The following LRBA variants were observed in gnomAD, a reference collection of about 807,000 sequenced individuals.
LRBA encodes lipopolysaccharide-responsive and beige-like anchor protein.
In LRBA, 176 loss-of-function variants were observed where a neutral mutation model predicts 330.0. That is an observed-to-expected ratio of 0.53 (90% CI 0.47 to 0.60). The LOEUF (loss-of-function observed/expected upper bound fraction) is 0.60, where lower values mean the gene tolerates loss of function less well. LRBA is among the 20% of genes least tolerant of loss of function. LRBA has a pLI of 0.00. For synonymous variants in LRBA, 1,230 were observed against 1,193.0 expected, an observed-to-expected ratio of 1.03 and a Z score of -0.64; for missense variants, 3,259 against 3,444.8, an observed-to-expected ratio of 0.95 and a Z score of 1.35.
chr4:150,982,767 G>A (rs1488330075), intron 2 of LRBA, among the ~76,000 whole-genome samples: 3 of 152,138 alleles, frequency 2.0e-5, no homozygotes, highest in Non-Finnish European at 4.4e-5. Context: ...CAGAATGTAG[G>A]GCAATGCTTA....
intron 37 of LRBA, among the ~76,000 whole-genome samples, chr4:150,678,776 C>T (rs1486081969): frequency 1.3e-5 from 2 of 152,082 alleles, no homozygotes; most frequent in Non-Finnish European, 2.9e-5. Flanking sequence ...GGTGCCTGCA[C>T]TGATGTCAAG....
chr4:150,828,920 GGGGT>G (rs1360386829), intron 29 of LRBA, among the ~76,000 whole-genome samples: 5,770 of 53,066 alleles, frequency 0.11, 161 homozygotes, highest in Admixed American at 0.13. Flanking sequence ...ATCTTTTTTG[GGGGT>G]GTGTGTGTGT....
At chr4:150,734,274 G>A (rs114853959) in intron 36 of LRBA, among the ~76,000 whole-genome samples, 34 of 151,868 alleles carry the variant, frequency 2.2e-4, no homozygotes, top group African/African-American at 8.0e-4. Flanking sequence ...ATATCCTAAA[G>A]TAAACAATTT....
chr4:150,498,125 G>A (rs973022811), intron 40 of LRBA, among the ~76,000 whole-genome samples: 2 of 152,170 alleles, frequency 1.3e-5, no homozygotes, highest in Non-Finnish European at 2.9e-5. Flanking sequence ...GCAAATTGAT[G>A]TTGCTTTAGA....
At chr4:150,607,595 G>A (rs1270436975) in intron 37 of LRBA, among the ~76,000 whole-genome samples, 1 of 151,720 alleles carries the variant, frequency 6.6e-6, no homozygotes, top group Admixed American at 6.6e-5. Flanking sequence ...AGAGGCCTGT[G>A]CTAGAGATTT....
At chr4:150,315,123 A>G (rs1178809781) in intron 51 of LRBA, 1 of 203,248 alleles carries the variant, frequency 4.9e-6, no homozygotes, top group Non-Finnish European at 1.0e-5. Flanking sequence ...CTACAGTTTT[A>G]TTTTTCATAA....
At chr4:150,938,303 G>C (rs960645540) in intron 2 of LRBA, among the ~76,000 whole-genome samples, 2 of 152,064 alleles carry the variant, frequency 1.3e-5, no homozygotes, top group Non-Finnish European at 2.9e-5. Context: ...TCAACCTCAA[G>C]ATATCCAATT....
chr4:150,438,988 T>C (rs114457731), intron 44 of LRBA, among the ~76,000 whole-genome samples: 214 of 152,334 alleles, frequency 1.4e-3, no homozygotes, highest in African/African-American at 5.0e-3. Flanking sequence ...AAAAGAATCA[T>C]ATCTGACTTA....
At chr4:150,574,398 T>C (rs2152288218) in intron 40 of LRBA, among the ~76,000 whole-genome samples, 1 of 152,162 alleles carries the variant, frequency 6.6e-6, no homozygotes, top group South Asian at 2.1e-4. Context: ...TCAACAAATT[T>C]AGTCATGTAA....
chr4:151,000,419 G>T (rs1257632184), intron 2 of LRBA, among the ~76,000 whole-genome samples: 2 of 152,076 alleles, frequency 1.3e-5, no homozygotes, highest in African/African-American at 4.8e-5. Flanking sequence ...CTTAAAAAAA[G>T]TGCTTTACAA....
At chr4:150,643,891 T>C (rs1778902574) in intron 37 of LRBA, among the ~76,000 whole-genome samples, 1 of 151,958 alleles carries the variant, frequency 6.6e-6, no homozygotes, top group South Asian at 2.1e-4. Flanking sequence ...TACTCATTTG[T>C]CTAGGTACTA....
Position 150,850,814 on chromosome 4 carries a change from C to T in LRBA, c.3914G>A (p.Arg1305His), listed in dbSNP as rs144754728. 173 of 1,613,616 alleles carry T rather than the reference C, an allele frequency of 1.1e-4. No homozygotes were observed. The highest frequency in any genetic ancestry group is 6.6e-4 in the Middle Eastern group (4 of 6,062). The part of the protein sequence containing the change: ...QRRDSRSTVF[R>H]IPEFNWSQMH... ...CTGAGACCAGTTGAACTCAGGAATA[C>T]GAAACACAGTAGATCTGGAATCCCT... is the stretch of plus-strand genomic sequence containing the variant. Residue 1305 changes from arginine (R) to histidine (H), a missense_variant, in exon 24 of 57, where the codon CGT becomes CAT. Arg to His is a conservative substitution (Grantham distance 29). Transcript: ENST00000651943.
At chr4:150,673,963 T>C (rs1443564830) in intron 37 of LRBA, among the ~76,000 whole-genome samples, 1 of 152,138 alleles carries the variant, frequency 6.6e-6, no homozygotes, top group Non-Finnish European at 1.5e-5. Context: ...AGAGGTTAGG[T>C]TCCACTTCCC....
chr4:150,864,586 A>G (rs941003179), intron 22 of LRBA, among the ~76,000 whole-genome samples: 7 of 150,786 alleles, frequency 4.6e-5, no homozygotes, highest in African/African-American at 1.7e-4. Context: ...TCATACAGCT[A>G]TGCAGTAGGA....
At chr4:150,359,850 C>T (rs947220911) in intron 47 of LRBA, among the ~76,000 whole-genome samples, 23 of 151,558 alleles carry the variant, frequency 1.5e-4, no homozygotes, top group Non-Finnish European at 1.8e-4. Context: ...CGTGGTGGCG[C>T]GCATCTGTAA....
chr4:150,516,634 C>A (rs146570089), intron 40 of LRBA, among the ~76,000 whole-genome samples: 206 of 151,952 alleles, frequency 1.4e-3, no homozygotes, highest in Non-Finnish European at 2.5e-3. Flanking sequence ...AAATGTCCAG[C>A]ATTTTAAAAA....
chr4:150,462,674 C>A (rs1022484409), intron 44 of LRBA, among the ~76,000 whole-genome samples: 3 of 151,562 alleles, frequency 2.0e-5, no homozygotes, highest in Non-Finnish European at 4.4e-5. Context: ...ACAGCTTTGG[C>A]AAAATTAAAT....
At chr4:150,921,155 GA>G in intron 5 of LRBA, 42 bp downstream of exon 5, 2 of 1,327,326 alleles carry the variant, frequency 1.5e-6, no homozygotes, top group Non-Finnish European at 2.2e-6. Context: ...GGGAGCAAAG[GA>G]AAGAAGAACT....
intron 36 of LRBA, among the ~76,000 whole-genome samples, chr4:150,690,754 A>T (rs896272945): frequency 7.2e-5 from 11 of 152,066 alleles, no homozygotes; most frequent in African/African-American, 2.7e-4. Context: ...GATCAAGGAT[A>T]TAAATCTAGA....
Sources: gnomAD v4.1 joint callset for allele counts (sites outside exome capture counted in the v4.1 genomes callset) on GRCh38, gnomAD v4.1.1 for gene constraint, MANE v1.5 for transcripts, NCBI Gene and HGNC (gene_info 2026-07-23, HGNC 2026-07-21) for gene names.